ERI1: variants seen among roughly 807,000 people sequenced by gnomAD.
ERI1 encodes the protein 3'-5' exoribonuclease 1.
Under a neutral mutation model 39.7 loss-of-function variants are expected in ERI1, and 39 were observed. The ratio of observed to expected loss-of-function variants is 0.98; its 90% CI spans 0.76 to 1.28. The LOEUF (loss-of-function observed/expected upper bound fraction) is 1.28, where lower values mean the gene tolerates loss of function less well. ERI1 is among the 50% of genes most tolerant of loss of function. The pLI, the probability that ERI1 is intolerant of heterozygous loss-of-function variation, is 0.00. For missense variants in ERI1, 581 were observed against 416.9 expected, an observed-to-expected ratio of 1.39 and a Z score of -3.43; for synonymous variants, 204 against 149.6, an observed-to-expected ratio of 1.36 and a Z score of -2.65.
chr8:9,013,336 A>G (rs1816876148), intron 3 of ERI1, among the ~76,000 whole-genome samples: 1 of 151,810 alleles, frequency 6.6e-6, no homozygotes, highest in Admixed American at 6.6e-5. Context: ...AAAAAAAAAA[A>G]AAAAAAAATT....
chr8:9,045,736 G>A (rs1178381523), intron 3 of ERI1, among the ~76,000 whole-genome samples: 1 of 150,846 alleles, frequency 6.6e-6, no homozygotes, highest in Admixed American at 6.6e-5. Context: ...GAGGGCAGTG[G>A]CACAATCTCG....
intron 3 of ERI1, among the ~76,000 whole-genome samples, chr8:9,076,097 C>T (rs557615570): frequency 6.6e-6 from 1 of 152,200 alleles, no homozygotes; most frequent in African/African-American, 2.4e-5. Flanking sequence ...CCTCCATGCC[C>T]AGCTAATTTT....
chr8:9,081,241 A>G (rs1341160611), intron 3 of ERI1, among the ~76,000 whole-genome samples: 2 of 152,228 alleles, frequency 1.3e-5, no homozygotes, highest in Non-Finnish European at 2.9e-5. Context: ...CATGGGGATT[A>G]CAATTTGTGA....
chr8:9,009,101 G>A (rs1816390037), intron 2 of ERI1: 1 of 456,192 alleles, frequency 2.2e-6, no homozygotes. Flanking sequence ...AAGATCAGTT[G>A]CTTACTCCTG....
chr8:9,033,584 T>TG (rs1309883396), downstream of ERI1, among the ~76,000 whole-genome samples: 1 of 151,028 alleles, frequency 6.6e-6, no homozygotes, highest in Non-Finnish European at 1.5e-5. Flanking sequence ...CAATGATACT[T>TG]GCATCAGACA....
At chr8:9,060,983 A>G (rs1585271703) in intron 3 of ERI1, among the ~76,000 whole-genome samples, 3 of 152,236 alleles carry the variant, frequency 2.0e-5, no homozygotes, top group Admixed American at 2.0e-4. Flanking sequence ...GGTGGTGCAG[A>G]ATATGAAAGG....
intron 3 of ERI1, among the ~76,000 whole-genome samples, chr8:9,093,575 TATTTA>T (rs1337356027): frequency 6.6e-6 from 1 of 152,026 alleles, no homozygotes; most frequent in African/African-American, 2.4e-5. Flanking sequence ...TAAGACTGTT[TATTTA>T]TTTTTGAGAC....
rs1352341822 is a variant in ERI1 at position 9,082,038 on chromosome 8, A to C, written n.300-34310A>C. Among the ~76,000 whole-genome samples the C allele has an allele frequency of 4.0e-5, 6 of 151,870 alleles. No individual in the cohort carries two copies. In the South Asian group the frequency reaches 6.2e-4, roughly 16 times the overall value. ...ACTTTTAAAGTCACTGTGTCCCCCC[A>C]CCCCATTAGAACTCTTAATATTTGT... On this transcript the variant is annotated intron_variant and non_coding_transcript_variant, in intron 3 of 3. Coordinates refer to the ERI1 transcript ENST00000518663.
intron 3 of ERI1, among the ~76,000 whole-genome samples, chr8:9,061,563 T>A (rs577427533): frequency 5.9e-5 from 9 of 152,146 alleles, no homozygotes; most frequent in Non-Finnish European, 1.5e-5. Flanking sequence ...AACAGTAAGG[T>A]CAAGTTGTTT....
At chr8:9,078,925 A>G (rs1799288857) in intron 3 of ERI1, among the ~76,000 whole-genome samples, 1 of 152,174 alleles carries the variant, frequency 6.6e-6, no homozygotes, top group Non-Finnish European at 1.5e-5. Context: ...GAGAATCGCT[A>G]CTAGTGCTGA....
At chr8:9,048,923 G>C (rs576265554) in intron 3 of ERI1, among the ~76,000 whole-genome samples, 59 of 152,174 alleles carry the variant, frequency 3.9e-4, no homozygotes, top group Middle Eastern at 3.4e-3. Context: ...TGGGATTACA[G>C]GCGTGAGCCA....
chr8:9,023,582 G>C (rs1040763376), intron 6 of ERI1, among the ~76,000 whole-genome samples: 5 of 151,888 alleles, frequency 3.3e-5, no homozygotes, highest in Admixed American at 2.6e-4. Flanking sequence ...TTGTTAGCCT[G>C]CTCTTTTTGT....
intron 3 of ERI1, among the ~76,000 whole-genome samples, chr8:9,097,392 G>C (rs1254102908): frequency 2.0e-5 from 3 of 152,212 alleles, no homozygotes; most frequent in Admixed American, 6.5e-5. Flanking sequence ...GCCAGGTGCG[G>C]TGGCTCACGC....
intron 6 of ERI1, among the ~76,000 whole-genome samples, chr8:9,022,433 T>G (rs1462191340): frequency 1.3e-5 from 2 of 152,176 alleles, no homozygotes; most frequent in African/African-American, 4.8e-5. Flanking sequence ...TGAAGTCTCA[T>G]TCTGTTGCCC....
chr8:9,099,070 A>C (rs1799969477), intron 3 of ERI1, among the ~76,000 whole-genome samples: 2 of 152,084 alleles, frequency 1.3e-5, no homozygotes, highest in Non-Finnish European at 2.9e-5. Context: ...CCTGACCTCA[A>C]ATGATCCACC....
chr8:9,055,230 T>A (rs1040906384), intron 3 of ERI1, among the ~76,000 whole-genome samples: 1 of 152,214 alleles, frequency 6.6e-6, no homozygotes, highest in Non-Finnish European at 1.5e-5. Context: ...GAATGCAATT[T>A]AAACAGTTGG....
chr8:9,024,215 T>A (rs1254362558), intron 6 of ERI1, among the ~76,000 whole-genome samples: 1 of 152,208 alleles, frequency 6.6e-6, no homozygotes, highest in Admixed American at 6.5e-5. Context: ...AATAATTCGC[T>A]TAGGATGGGA....
At chr8:9,072,200 T>C (rs1021695414) in intron 3 of ERI1, among the ~76,000 whole-genome samples, 1 of 152,226 alleles carries the variant, frequency 6.6e-6, no homozygotes, top group African/African-American at 2.4e-5. Flanking sequence ...GGGTGATCAG[T>C]GTCCTTTGGT....
Position 9,041,029 on chromosome 8 carries a change from C to T in ERI1, n.299+20565C>T, listed in dbSNP as rs564946365. Among the ~76,000 whole-genome samples, 10 of 152,344 alleles carry T rather than the reference C, an allele frequency of 6.6e-5. No individual in the cohort carries two copies. The South Asian group carries it at 2.1e-3, about 32-fold the overall frequency. ...GTAATGAGACCGTTTTCAGTGCAGA[C>T]AGCTGAGCCCCCAGGCACTTGCTCC... On this transcript the variant is annotated intron_variant and non_coding_transcript_variant, in intron 3 of 3. Coordinates refer to the ERI1 transcript ENST00000518663.
Sources: gnomAD v4.1 joint callset for allele counts (sites outside exome capture counted in the v4.1 genomes callset) on GRCh38, gnomAD v4.1.1 for gene constraint, MANE v1.5 for transcripts, NCBI Gene and HGNC (gene_info 2026-07-23, HGNC 2026-07-21) for gene names.